The following RAMP1 variants were observed in gnomAD, a reference collection of about 807,000 sequenced individuals.
RAMP1 encodes the protein receptor activity-modifying protein 1.
In RAMP1, 7 loss-of-function variants were observed where a neutral mutation model predicts 8.2. The observed-to-expected ratio is 0.85, with a 90% CI of 0.49 to 1.60. RAMP1 has a LOEUF of 1.60. Ranked by LOEUF, RAMP1 falls within the 40% of genes most tolerant of loss-of-function variation. The pLI is 0.00. For synonymous variants in RAMP1, 92 were observed against 84.7 expected (o/e 1.09, Z -0.47); for missense variants, 192 against 202.4 (o/e 0.95, Z 0.31).
intron 2 of RAMP1, among the ~76,000 whole-genome samples, chr2:237,888,458 T>A (rs1430644140): frequency 6.6e-6 from 1 of 152,102 alleles, no homozygotes; most frequent in Non-Finnish European, 1.5e-5. Flanking sequence ...CATAGGCTCG[T>A]GAGTATTGAG....
chr2:237,881,604 T>G (rs1468637306), intron 2 of RAMP1, among the ~76,000 whole-genome samples: 2 of 152,262 alleles, frequency 1.3e-5, no homozygotes, highest in Admixed American at 6.5e-5. Context: ...ATTAGAGTTG[T>G]TACTGTCTGA....
intron 1 of RAMP1, 31 bp downstream of exon 1, chr2:237,859,758 C>T: frequency 6.7e-7 from 1 of 1,498,334 alleles, no homozygotes; most frequent in Non-Finnish European, 8.9e-7. Context: ...CGGCCGAGCT[C>T]CCTTCCCCTG....
chr2:237,908,815 C>T (rs2062678984), intron 2 of RAMP1, among the ~76,000 whole-genome samples: 1 of 152,160 alleles, frequency 6.6e-6, no homozygotes, highest in South Asian at 2.1e-4. Flanking sequence ...AGAGTTCCTT[C>T]CTATCCTTCC....
In RAMP1 at chr2:237,877,423, G is replaced by C; in HGVS notation, c.191+61G>C. On this transcript the variant is annotated intron_variant, in intron 2 of 2. Transcript: ENST00000254661. This position sits in a 1 kb window ranked among gnomAD's most constrained non-coding sequence, Gnocchi z 4.4. ...TGGGGAGGGAGAGGGGGCAAGCGGA[G>C]GAGGAGTGGACCACGTGGGAGCTGT... 2 of 1,568,970 alleles carry C rather than the reference G, an allele frequency of 1.3e-6. No homozygotes were observed. Among genetic ancestry groups the C allele is most frequent in the Non-Finnish European group, 1.7e-6 (2 of 1,157,832 alleles).
chr2:237,889,360 A>G, intron 2 of RAMP1, among the ~76,000 whole-genome samples: 1 of 152,250 alleles, frequency 6.6e-6, no homozygotes, highest in East Asian at 1.9e-4. Flanking sequence ...TTCTTAACAC[A>G]GTGGATGGAC....
At chr2:237,885,149 C>T (rs1211123781) in intron 2 of RAMP1, among the ~76,000 whole-genome samples, 7 of 152,244 alleles carry the variant, frequency 4.6e-5, no homozygotes, top group South Asian at 4.1e-4. Context: ...GGAAATTCTT[C>T]AGAACTCAGC....
chr2:237,902,943 C>T (rs1426377022), intron 2 of RAMP1, among the ~76,000 whole-genome samples: 1 of 151,886 alleles, frequency 6.6e-6, no homozygotes, highest in Non-Finnish European at 1.5e-5. Context: ...TCTGCTGTGT[C>T]CCCCTCCCAT....
intron 2 of RAMP1, among the ~76,000 whole-genome samples, chr2:237,898,683 A>G (rs960457725): frequency 1.3e-5 from 2 of 152,266 alleles, no homozygotes; most frequent in Admixed American, 6.5e-5. Flanking sequence ...GAAGTGAGAC[A>G]GGAAGCCAGG....
chr2:237,880,593 C>T (rs2062358549), intron 2 of RAMP1, among the ~76,000 whole-genome samples: 1 of 152,164 alleles, frequency 6.6e-6, no homozygotes, highest in African/African-American at 2.4e-5. Flanking sequence ...CTATTTAAGC[C>T]ATGGTATCGA....
intron 2 of RAMP1, among the ~76,000 whole-genome samples, chr2:237,897,457 C>A (rs1443566281): frequency 6.6e-6 from 1 of 152,190 alleles, no homozygotes; most frequent in Non-Finnish European, 1.5e-5. Context: ...ACACTGAGCC[C>A]CGTTTCATCT....
intron 1 of RAMP1, among the ~76,000 whole-genome samples, chr2:237,872,764 C>T (rs530530647): frequency 2.5e-4 from 38 of 152,348 alleles, no homozygotes; most frequent in Admixed American, 5.9e-4. Context: ...CTGTGGCTCA[C>T]GCCTGTAATC....
In RAMP1 at chr2:237,865,034, G is replaced by A. The variant is rs1437154338; in HGVS notation, c.52+5307G>A. 3.3e-5 allele frequency among the ~76,000 whole-genome samples: 5 copies of A among 152,100 alleles called. No individual in the cohort carries two copies. The highest frequency in any genetic ancestry group is 7.4e-5 in the Non-Finnish European group (5 of 68,018). ...GGGAAAACCTTGAAGGACATTAAAG[G>A]GGGTGACAGGACAGAAGGTGTGGTT... On this transcript the variant is annotated intron_variant, in intron 1 of 2. Transcript: ENST00000254661. The surrounding 1 kb of genome is among the most constrained non-coding windows in gnomAD (Gnocchi z 4.2).
At position 237,865,077 on chromosome 2, in the gene RAMP1, G is replaced by T. The variant is rs1211446589; in HGVS notation, c.52+5350G>T. On this transcript the variant is annotated intron_variant, in intron 1 of 2. Transcript: ENST00000254661. This position sits in a 1 kb window ranked among gnomAD's most constrained non-coding sequence, Gnocchi z 4.2. ...GTGTGGTTTAAAGGAGCCCTCAGCT[G>T]TGGCCCCCAGCATGGGCAGGAGGCC... Among the ~76,000 whole-genome samples, 1 of 152,116 alleles carries T rather than the reference G, an allele frequency of 6.6e-6. No individual in the cohort carries two copies. The highest frequency in any genetic ancestry group is 1.5e-5 in the Non-Finnish European group (1 of 68,010).
intron 2 of RAMP1, 130 bp from the exon 3 acceptor site, chr2:237,911,398 T>C (rs2062710658): frequency 7.6e-7 from 1 of 1,323,890 alleles, no homozygotes; most frequent in African/African-American, 1.5e-5. Flanking sequence ...GGCCACTGCC[T>C]CGGCGTCGGG....
intron 2 of RAMP1, among the ~76,000 whole-genome samples, chr2:237,887,902 G>A (rs1288216457): frequency 6.6e-6 from 1 of 152,238 alleles, no homozygotes; most frequent in African/African-American, 2.4e-5. Flanking sequence ...GTGACAAAGT[G>A]AGACCTTGTC....
rs1051982305 is a variant in RAMP1 at position 237,862,587 on chromosome 2, G to A, written c.52+2860G>A. Among the ~76,000 whole-genome samples, 4 of 152,184 alleles carry A rather than the reference G, an allele frequency of 2.6e-5. No homozygotes were observed. Among genetic ancestry groups the A allele is most frequent in the African/African-American group, 4.8e-5 (2 of 41,440 alleles). On this transcript the variant is annotated intron_variant, in intron 1 of 2. Transcript: ENST00000254661. The surrounding 1 kb of genome is among the most constrained non-coding windows in gnomAD (Gnocchi z 4.0). ...TAGCTTCTAATCAGTTACAACTGGCGTCTGGCTGACTGTGTGATGCAGGTG... is the reference window on the plus strand; with the variant it reads ...TAGCTTCTAATCAGTTACAACTGGCATCTGGCTGACTGTGTGATGCAGGTG...
At chr2:237,886,210 C>T (rs1204702990) in intron 2 of RAMP1, among the ~76,000 whole-genome samples, 6 of 152,138 alleles carry the variant, frequency 3.9e-5, no homozygotes, top group South Asian at 2.1e-4. Flanking sequence ...CTGCCCAGGC[C>T]GCCCCACGGG....
chr2:237,910,982 T>C (rs1420022497), intron 2 of RAMP1, among the ~76,000 whole-genome samples: 12 of 150,046 alleles, frequency 8.0e-5, no homozygotes, highest in Non-Finnish European at 1.6e-4. Context: ...AATAGTCACA[T>C]ACACAGTCAC....
At chr2:237,910,597 ACAGT>A (rs1452036156) in intron 2 of RAMP1, among the ~76,000 whole-genome samples, 3 of 148,006 alleles carry the variant, frequency 2.0e-5, no homozygotes, top group African/African-American at 7.9e-5. Flanking sequence ...ACAGAATAAC[ACAGT>A]CACACAGTCA....
Sources: gnomAD v4.1 joint callset for allele counts (sites outside exome capture counted in the v4.1 genomes callset) on GRCh38, gnomAD v4.1.1 for gene constraint, Gnocchi (gnomAD v3.1) non-coding constraint, MANE v1.5 for transcripts, NCBI Gene and HGNC (gene_info 2026-07-23, HGNC 2026-07-21) for gene names.